Variants in RYR2 observed in about 807,000 individuals in gnomAD.
RYR2 encodes the protein cardiac muscle ryanodine receptor-calcium release channel.
RYR2 carries 227 observed loss-of-function variants against 601.1 expected under a neutral mutation model. The ratio of observed to expected loss-of-function variants is 0.38; its 90% confidence interval spans 0.34 to 0.42. The LOEUF (loss-of-function observed/expected upper bound fraction) is 0.42. Ranked by LOEUF, RYR2 falls within the 10% of genes least tolerant of loss-of-function variation. RYR2 has a pLI of 1.00. For missense variants in RYR2, 4,646 were observed against 6,156.5 expected (o/e 0.75, Z 8.21); for synonymous variants, 2,223 against 2,175.1 (o/e 1.02, Z -0.61).
Position 237,464,137 on chromosome 1 carries a change from T to A in RYR2, c.1613-4955T>A, listed in dbSNP as rs114151877. Among the ~76,000 whole-genome samples, 175 of 152,260 alleles carry A rather than the reference T, an allele frequency of 1.1e-3. 1 individual carries two copies. Among genetic ancestry groups the A allele is most frequent in the African/African-American group, 3.6e-3 (148 of 41,558 alleles). ...ATCTGCACATCTTTGCAGCAAGACA[T>A]CACCTATTCCCTCCTCTCCTTGAAG... On this transcript the variant is annotated intron_variant, in intron 16 of 104. Coordinates refer to ENST00000366574, the MANE Select transcript of RYR2 (RefSeq NM_001035.3).
At chr1:237,623,979 C>T in intron 39 of RYR2, 109 bp downstream of exon 39, 1 of 715,284 alleles carries the variant, frequency 1.4e-6, no homozygotes, top group Non-Finnish European at 2.4e-6. Flanking sequence ...CACACGATAC[C>T]TGTTAGAAAG....
intron 14 of RYR2, among the ~76,000 whole-genome samples, chr1:237,446,680 C>A (rs1057212521): frequency 3.3e-5 from 5 of 152,002 alleles, no homozygotes; most frequent in Non-Finnish European, 5.9e-5. Flanking sequence ...TGTATGTAAC[C>A]AAAAAATGTG....
Position 237,788,077 on chromosome 1 carries a change from C to G in RYR2, c.13418C>G (p.Pro4473Arg). ...CTTCACACACACAGATACGGAGAAC[C>G]AGAAGTGCCAGAGTCAGCATTCTGG... is the stretch of plus-strand genomic sequence containing the variant. ...RQLHTHRYGE[P>R]EVPESAFWKK... The change falls in exon 92 of 105, where the codon CCA becomes CGA. Residue 4473 changes from proline (P) to arginine (R), a missense_variant. Pro to Arg is a moderately radical substitution (Grantham distance 103, BLOSUM62 -2). Around this residue, in one of 17 missense-constraint regions of RYR2, gnomAD observed 364 missense variants for 442.9 expected, o/e 0.82. Coordinates refer to ENST00000366574, the MANE Select transcript of RYR2 (RefSeq NM_001035.3). 6.2e-7 allele frequency: 1 copy of G among 1,612,250 alleles called. No homozygotes were observed.
At chr1:237,138,334 G>C (rs570099288) in intron 1 of RYR2, among the ~76,000 whole-genome samples, 162 of 152,224 alleles carry the variant, frequency 1.1e-3, no homozygotes, top group African/African-American at 3.7e-3. Flanking sequence ...TGCCCATCCT[G>C]GATATATTTT....
intron 1 of RYR2, among the ~76,000 whole-genome samples, chr1:237,152,329 C>T (rs184653544): frequency 7.9e-5 from 12 of 152,228 alleles, no homozygotes; most frequent in Admixed American, 7.8e-4. Context: ...GTGCATGTAT[C>T]TTTATAGTAG....
At chr1:237,434,806 C>T (rs937250748) in intron 12 of RYR2, among the ~76,000 whole-genome samples, 7 of 152,080 alleles carry the variant, frequency 4.6e-5, no homozygotes, top group East Asian at 1.9e-4. Context: ...CAGAGTCTCT[C>T]GCTCTGTCAC....
Position 237,087,455 on chromosome 1 carries a change from G to A in RYR2, c.48+44886G>A, listed in dbSNP as rs973494752. ...CAAAATCAGGATAAAAAATGTAAATGTTTTTGTTTAAAGGGAGATGCAAAA... is the reference window on the plus strand; with the variant it reads ...CAAAATCAGGATAAAAAATGTAAATATTTTTGTTTAAAGGGAGATGCAAAA... On this transcript the variant is annotated intron_variant, in intron 1 of 104. Coordinates refer to ENST00000366574, the MANE Select transcript of RYR2 (RefSeq NM_001035.3). Among the ~76,000 whole-genome samples the A allele has an allele frequency of 3.3e-5, 5 of 152,108 alleles. No homozygotes were observed. In the East Asian group the frequency reaches 9.6e-4, roughly 29 times the overall value.
Position 237,441,302 on chromosome 1 carries a change from T to C in RYR2, c.1006-17T>C, listed in dbSNP as rs749261152. 4.3e-6 allele frequency: 7 copies of C among 1,613,264 alleles called. No homozygotes were observed. The highest frequency in any genetic ancestry group is 2.7e-5 in the African/African-American group (2 of 75,010). ...TTTGAAATGTTTACTGACCTTTTTT[T>C]CCTCCTCTCCCCTTAGGAAAAATTG... On this transcript the variant is annotated splice_polypyrimidine_tract_variant and intron_variant, in intron 12 of 104. Transcript: ENST00000366574.
At chr1:237,153,837 A>G (rs1675004401) in intron 1 of RYR2, among the ~76,000 whole-genome samples, 1 of 152,182 alleles carries the variant, frequency 6.6e-6, no homozygotes, top group Non-Finnish European at 1.5e-5. Context: ...TGCTGTAAAA[A>G]TACTGTTTTG....
intron 32 of RYR2, 25 bp from the exon 33 acceptor site, chr1:237,593,451 A>G: frequency 6.4e-7 from 1 of 1,573,358 alleles, no homozygotes; most frequent in African/African-American, 1.4e-5. Context: ...TACTTTGCCA[A>G]TATTTGGTTC....
intron 24 of RYR2, among the ~76,000 whole-genome samples, chr1:237,529,929 C>G (rs1572736369): frequency 6.6e-6 from 1 of 152,082 alleles, no homozygotes; most frequent in South Asian, 2.1e-4. Context: ...TCAGTGTATT[C>G]CTTTTTGTGC....
rs556345275 is a variant in RYR2, at chr1:237,784,723, C to G, written c.13011C>G (p.Pro4337=). 1 of 1,605,326 alleles carries G rather than the reference C, an allele frequency of 6.2e-7. No individual in the cohort carries two copies. Among genetic ancestry groups the G allele is most frequent in the Admixed American group, 1.7e-5 (1 of 59,238 alleles). The part of the protein sequence containing the change: ...VAELLANMPD[P]TQDEVRGDGE... ...AACTGTTAGCCAACATGCCAGACCC[C>G]ACTCAGGATGAGGTTAGAGGAGATG... Residue 4337 remains proline, a synonymous_variant, in exon 90 of 105, where the codon CCC becomes CCG. Transcript: ENST00000366574. This position sits in a 1 kb window ranked among gnomAD's most constrained non-coding sequence, Gnocchi z 7.1.
At chr1:237,502,978 C>T (rs2150491163) in intron 21 of RYR2, among the ~76,000 whole-genome samples, 1 of 152,260 alleles carries the variant, frequency 6.6e-6, no homozygotes, top group South Asian at 2.1e-4. Context: ...TTATTACGGA[C>T]ATGCACTTCA....
intron 1 of RYR2, among the ~76,000 whole-genome samples, chr1:237,156,169 T>C (rs1444502182): frequency 6.6e-6 from 1 of 152,240 alleles, no homozygotes; most frequent in African/African-American, 2.4e-5. Flanking sequence ...TTTCTCAAAA[T>C]GTGTTCCGTG....
intron 44 of RYR2, among the ~76,000 whole-genome samples, chr1:237,635,674 A>G (rs1337274913): frequency 2.0e-5 from 3 of 152,106 alleles, no homozygotes; most frequent in Non-Finnish European, 4.4e-5. Flanking sequence ...AGATCATGCC[A>G]ATCCTCCATC....
chr1:237,081,710 A>T (rs529685177), intron 1 of RYR2, among the ~76,000 whole-genome samples: 2 of 152,032 alleles, frequency 1.3e-5, no homozygotes, highest in Non-Finnish European at 2.9e-5. Flanking sequence ...ATTGGCTTTT[A>T]TCAGGAACCT....
At chr1:237,535,462 A>C (rs765667215) in intron 25 of RYR2, among the ~76,000 whole-genome samples, 42 of 148,406 alleles carry the variant, frequency 2.8e-4, no homozygotes, top group Admixed American at 9.7e-4. Context: ...ATAACTATTA[A>C]AGGAATTGAA....
At position 237,464,481 on chromosome 1, in the gene RYR2, C is replaced by T. The variant is rs1659839781; in HGVS notation, c.1613-4611C>T. On this transcript the variant is annotated intron_variant, in intron 16 of 104. Transcript: ENST00000366574. ...AAAGATCATATTACAGGACATGGCC[C>T]TTTTTTTTCCTCTCCTGGGTCCATT... is the stretch of plus-strand genomic sequence containing the variant. Among the ~76,000 whole-genome samples, 3 of 151,694 alleles carry T rather than the reference C, an allele frequency of 2.0e-5. No homozygotes were observed. The South Asian group carries it at 6.2e-4, about 32-fold the overall frequency.
intron 1 of RYR2, among the ~76,000 whole-genome samples, chr1:237,164,706 C>A (rs1269773788): frequency 6.6e-6 from 1 of 152,128 alleles, no homozygotes; most frequent in Admixed American, 6.5e-5. Context: ...GTCACGGCAA[C>A]CTCTTACCTT....
Sources: gnomAD v4.1 joint callset for allele counts (sites outside exome capture counted in the v4.1 genomes callset) on GRCh38, gnomAD v4.1.1 for gene constraint, gnomAD v4.1.1 regional missense constraint, Gnocchi (gnomAD v3.1) non-coding constraint, MANE v1.5 for transcripts, NCBI Gene and HGNC (gene_info 2026-07-23, HGNC 2026-07-21) for gene names.